The following SNTG1 variants were observed in gnomAD, a reference collection of about 807,000 sequenced individuals.
SNTG1 encodes syntrophin gamma 1.
A neutral mutation model predicts 74.7 loss-of-function variants in SNTG1; 39 were observed. That is an observed-to-expected ratio of 0.52 (90% CI 0.40 to 0.68). The LOEUF (loss-of-function observed/expected upper bound fraction) is 0.68. Among genes scored for constraint, SNTG1 ranks in the 30% least tolerant of loss-of-function variants. SNTG1 has a pLI of 0.00. For synonymous variants in SNTG1, 254 were observed against 217.1 expected (o/e 1.17, Z -1.49); for missense variants, 685 against 609.5 (o/e 1.12, Z -1.30).
Position 50,143,047 on chromosome 8 carries a change from CT to C in SNTG1, c.-102-29513del, listed in dbSNP as rs575087682. Among the ~76,000 whole-genome samples the C allele has an allele frequency of 2.7e-3, 413 of 152,050 alleles. 3 individuals are homozygous for C. Among genetic ancestry groups the C allele is most frequent in the African/African-American group, 9.4e-3 (391 of 41,488 alleles). On this transcript the variant is annotated intron_variant, in intron 1 of 18. Transcript: ENST00000642720. Reference sequence around the variant, plus strand: ...CGAGATCACTCCACTGCACTCCAGCCTGGGGGCCAGAGCAAGACTCCATCTC... The same window carrying C: ...CGAGATCACTCCACTGCACTCCAGCCGGGGGCCAGAGCAAGACTCCATCTC...
chr8:50,283,884 T>C (rs1172364821), intron 2 of SNTG1, among the ~76,000 whole-genome samples: 1 of 152,198 alleles, frequency 6.6e-6, no homozygotes, highest in Non-Finnish European at 1.5e-5. Context: ...ATGGAGAATT[T>C]CTAAATGCCC....
At chr8:50,726,053 C>T (rs188986585) in intron 17 of SNTG1, among the ~76,000 whole-genome samples, 1 of 152,256 alleles carries the variant, frequency 6.6e-6, no homozygotes, top group African/African-American at 2.4e-5. Flanking sequence ...TTCTTCAGTG[C>T]CTAGTTGTGT....
At chr8:50,357,080 G>A (rs1003451502) in intron 2 of SNTG1, among the ~76,000 whole-genome samples, 5 of 152,236 alleles carry the variant, frequency 3.3e-5, no homozygotes, top group Admixed American at 1.3e-4. Flanking sequence ...CCTTCCCTCC[G>A]TGGTTTGCCT....
intron 2 of SNTG1, among the ~76,000 whole-genome samples, chr8:50,312,661 C>A (rs78655430): frequency 0.022 from 3,315 of 149,574 alleles, 374 homozygotes; most frequent in African/African-American, 0.076. Flanking sequence ...CATAATAGGC[C>A]ACCTCATACC....
intron 1 of SNTG1, among the ~76,000 whole-genome samples, chr8:49,987,715 C>T (rs1466834953): frequency 7.4e-6 from 1 of 134,682 alleles, no homozygotes; most frequent in Non-Finnish European, 1.5e-5. Context: ...GTGGCGTGAT[C>T]TCGGCTTACT....
intron 18 of SNTG1, among the ~76,000 whole-genome samples, chr8:50,754,211 T>C (rs1431242513): frequency 1.3e-5 from 2 of 151,946 alleles, no homozygotes; most frequent in Non-Finnish European, 2.9e-5. Flanking sequence ...TGCCTAGAAG[T>C]GCAAATTGCA....
intron 2 of SNTG1, among the ~76,000 whole-genome samples, chr8:50,330,523 C>T (rs1354915536): frequency 6.6e-6 from 1 of 152,182 alleles, no homozygotes; most frequent in Non-Finnish European, 1.5e-5. Flanking sequence ...CTGTTTCAAC[C>T]TCTTCCTGTT....
At chr8:50,166,146 T>C (rs150150172) in intron 1 of SNTG1, among the ~76,000 whole-genome samples, 9,429 of 42,264 alleles carry the variant, frequency 0.22, 1,297 homozygotes, top group Middle Eastern at 0.38. Flanking sequence ...ATTTAAACGT[T>C]AGACCTAAAA....
At chr8:50,194,449 G>T (rs568185546) in intron 2 of SNTG1, among the ~76,000 whole-genome samples, 47 of 152,154 alleles carry the variant, frequency 3.1e-4, no homozygotes, top group Admixed American at 2.8e-3. Context: ...TCTAGTTTAT[G>T]TGTGTATAGG....
At chr8:49,963,149 T>C (rs887128898) in intron 1 of SNTG1, among the ~76,000 whole-genome samples, 1 of 152,206 alleles carries the variant, frequency 6.6e-6, no homozygotes, top group African/African-American at 2.4e-5. Context: ...TATAAGGGAA[T>C]GAATCCAACC....
In SNTG1 at chr8:50,074,911, C is replaced by T. The variant is rs550314930; in HGVS notation, c.-102-97650C>T. Reference sequence around the variant, plus strand: ...GTGCCCCGGCCGCACTCGCGGCGCACGCGAGTTCGGGGTGGGCATCCTCTC... The same window carrying T: ...GTGCCCCGGCCGCACTCGCGGCGCATGCGAGTTCGGGGTGGGCATCCTCTC... On this transcript the variant is annotated intron_variant, in intron 1 of 18. Coordinates refer to ENST00000642720, the MANE Select transcript of SNTG1 (RefSeq NM_018967.5). Among the ~76,000 whole-genome samples, 125 of 152,280 alleles carry T rather than the reference C, an allele frequency of 8.2e-4. 1 individual carries two copies. Among genetic ancestry groups the T allele is most frequent in the African/African-American group, 2.6e-3 (109 of 41,584 alleles).
At chr8:49,971,433 A>G (rs1200030352) in intron 1 of SNTG1, among the ~76,000 whole-genome samples, 1 of 152,184 alleles carries the variant, frequency 6.6e-6, no homozygotes, top group Non-Finnish European at 1.5e-5. Flanking sequence ...AAAAACTGGG[A>G]GCACTCCCTT....
intron 2 of SNTG1, among the ~76,000 whole-genome samples, chr8:50,216,005 C>G (rs868346269): frequency 1.6e-4 from 25 of 152,032 alleles, no homozygotes; most frequent in African/African-American, 6.0e-4. Flanking sequence ...TTACAGAAAG[C>G]CAGAGAGTGT....
intron 12 of SNTG1, among the ~76,000 whole-genome samples, chr8:50,564,579 T>C (rs2094505706): frequency 6.6e-6 from 1 of 152,134 alleles, no homozygotes; most frequent in Admixed American, 6.6e-5. Flanking sequence ...CATACTCAAG[T>C]ATTTACATGA....
chr8:50,102,736 A>G (rs1277880958), intron 1 of SNTG1, among the ~76,000 whole-genome samples: 1 of 151,270 alleles, frequency 6.6e-6, no homozygotes, highest in Non-Finnish European at 1.5e-5. Flanking sequence ...TAATTTTTGT[A>G]TAAGGTGTAA....
At chr8:49,999,104 A>G (rs1814512237) in intron 1 of SNTG1, among the ~76,000 whole-genome samples, 1 of 152,116 alleles carries the variant, frequency 6.6e-6, no homozygotes. Flanking sequence ...CTTTAACCGA[A>G]CCATCATTGT....
At chr8:50,256,955 T>C (rs1423990794) in intron 2 of SNTG1, among the ~76,000 whole-genome samples, 1 of 152,160 alleles carries the variant, frequency 6.6e-6, no homozygotes, top group Non-Finnish European at 1.5e-5. Context: ...TTCAGTTCCA[T>C]GTGATGGAAG....
At chr8:50,376,857 GT>G (rs1280190078) in intron 2 of SNTG1, among the ~76,000 whole-genome samples, 1 of 150,586 alleles carries the variant, frequency 6.6e-6, no homozygotes, top group Non-Finnish European at 1.5e-5. Flanking sequence ...ACCTTCTTTT[GT>G]CAGTTACACA....
At chr8:50,011,262 T>C (rs993815693) in intron 1 of SNTG1, among the ~76,000 whole-genome samples, 1 of 152,140 alleles carries the variant, frequency 6.6e-6, no homozygotes, top group African/African-American at 2.4e-5. Context: ...TTAGGAAATG[T>C]ACCTGAAATC....
Sources: gnomAD v4.1 joint callset for allele counts (sites outside exome capture counted in the v4.1 genomes callset) on GRCh38, gnomAD v4.1.1 for gene constraint, MANE v1.5 for transcripts, NCBI Gene and HGNC (gene_info 2026-07-23, HGNC 2026-07-21) for gene names.